The following NUP85 variants were observed in gnomAD, a reference collection of about 807,000 sequenced individuals.
The protein encoded by NUP85 is nucleoporin 85, also known as nuclear pore complex protein Nup85.
A neutral mutation model predicts 92.8 loss-of-function variants in NUP85; 23 were observed. The observed-to-expected ratio is 0.25, with a 90% CI of 0.18 to 0.35. NUP85 has a LOEUF of 0.35. Ranked by LOEUF, NUP85 falls within the 10% of genes least tolerant of loss-of-function variation. NUP85 has a pLI of 1.00. For missense variants in NUP85, 759 were observed against 822.8 expected, an observed-to-expected ratio of 0.92 and a Z score of 0.95; for synonymous variants, 314 against 306.9, an observed-to-expected ratio of 1.02 and a Z score of -0.24.
At position 75,235,111 on chromosome 17, in the gene NUP85, A is replaced by G. The variant is rs1252864007; in HGVS notation, c.1779A>G (p.Ser593=). ...PLLEQKQVIF[S]AEQTYELMRC... ...GCTCTCTTCCCTAGGTGATTTTCTC[A>G]GCAGAACAGACTTATGAGTTGATGC... The change falls in exon 18 of 19, where the codon TCA becomes TCG. Residue 593 remains serine, a synonymous_variant. Transcript: ENST00000245544. 2 of 1,613,836 alleles carry G rather than the reference A, an allele frequency of 1.2e-6. No homozygotes were observed. The highest frequency in any genetic ancestry group is 2.2e-5 in the East Asian group (1 of 44,884).
chr17:75,228,711 T>G (rs886083349), intron 11 of NUP85: 1 of 985,298 alleles, frequency 1.0e-6, no homozygotes, highest in African/African-American at 1.7e-5. Context: ...AAAGGTTTCT[T>G]TCTTTTTTTT....
chr17:75,231,839 T>C lies in NUP85; in HGVS notation c.1256T>C (p.Leu419Pro). The change falls in exon 14 of 19, where the codon CTG becomes CCG. Residue 419 changes from leucine to proline, a missense_variant. Coordinates refer to ENST00000245544, the MANE Select transcript of NUP85 (RefSeq NM_024844.5). This position sits in a 1 kb window ranked among gnomAD's most constrained non-coding sequence, Gnocchi z 4.6. ...TCGAACCTTTGCAGCCTGTGGCAGC[T>C]GGGGGTCGATTACTTTGATTACTGC... ...GLFAHPSLWQ[L>P]GVDYFDYCPE... 6.2e-7 allele frequency: 1 copy of C among 1,614,042 alleles called. No individual in the cohort carries two copies. Among genetic ancestry groups the C allele is most frequent in the Non-Finnish European group, 8.5e-7 (1 of 1,179,974 alleles).
At chr17:75,213,020 A>G (rs536499581) in intron 4 of NUP85, 56 bp from the exon 5 acceptor site, 16 of 1,523,070 alleles carry the variant, frequency 1.1e-5, no homozygotes, top group East Asian at 2.3e-5. Context: ...ATATTCAGCT[A>G]TGACAATAAG....
intron 4 of NUP85, 48 bp from the exon 5 acceptor site, chr17:75,213,028 A>ATTC: frequency 6.4e-7 from 1 of 1,571,202 alleles, no homozygotes; most frequent in Non-Finnish European, 8.7e-7. Context: ...CTATGACAAT[A>ATTC]AGCCTAAGAG....
chr17:75,229,805 G>A (rs2075973894), intron 11 of NUP85, among the ~76,000 whole-genome samples: 1 of 152,178 alleles, frequency 6.6e-6, no homozygotes, highest in Non-Finnish European at 1.5e-5. Flanking sequence ...CTTCCTTCCA[G>A]TTGTTGGTGG....
In NUP85 at chr17:75,235,637, T is replaced by C. The variant is rs1019245513; in HGVS notation, c.1929T>C (p.Leu643=). 3.7e-6 allele frequency: 6 copies of C among 1,614,036 alleles called. No individual in the cohort carries two copies. The African/African-American group carries it at 8.0e-5, about 22-fold the overall frequency. Residue 643 remains leucine (L), a synonymous_variant, in exon 19 of 19, where the codon CTT becomes CTC. Coordinates refer to ENST00000245544, the MANE Select transcript of NUP85 (RefSeq NM_024844.5). ...EMLRLSLARN[L]ARAIIREGSL... ...TGAGACTTTCTCTGGCACGAAATCT[T>C]GCTCGGGCAATTATAAGAGAAGGCT...
intron 7 of NUP85, among the ~76,000 whole-genome samples, chr17:75,223,001 C>T (rs1199179793): frequency 1.4e-5 from 2 of 147,968 alleles, no homozygotes; most frequent in South Asian, 2.1e-4. Flanking sequence ...CGCCACTGCA[C>T]TCCAGCCTGG....
At chr17:75,208,654 G>A (rs1323594337) in intron 2 of NUP85, 34 bp downstream of exon 2, 2 of 1,212,536 alleles carry the variant, frequency 1.6e-6, no homozygotes, top group Admixed American at 1.8e-5. Flanking sequence ...TATCCATCTT[G>A]GCACATTTGG....
At chr17:75,205,893 G>T (rs2075063108) in intron 1 of NUP85, 99 bp downstream of exon 1, 11 of 1,374,022 alleles carry the variant, frequency 8.0e-6, no homozygotes, top group Non-Finnish European at 1.1e-5. Flanking sequence ...GTCGCGAGGC[G>T]CTCGTCCCCT....
At chr17:75,209,261 A>G (rs1389358668) in intron 2 of NUP85, among the ~76,000 whole-genome samples, 1 of 152,084 alleles carries the variant, frequency 6.6e-6, no homozygotes, top group African/African-American at 2.4e-5. Context: ...CTGTAGGCTG[A>G]GCTGAGCCGT....
At chr17:75,230,356 T>A (rs2075999510) in intron 11 of NUP85, among the ~76,000 whole-genome samples, 1 of 9,980 alleles carries the variant, frequency 1.0e-4, no homozygotes, top group Admixed American at 1.9e-3. Flanking sequence ...GTACAACATG[T>A]TTTTTGTTTT....
At chr17:75,208,796 A>G (rs963997260) in intron 2 of NUP85, among the ~76,000 whole-genome samples, 176 bp downstream of exon 2, 1 of 152,004 alleles carries the variant, frequency 6.6e-6, no homozygotes, top group South Asian at 2.1e-4. Flanking sequence ...CCTGGGCTGG[A>G]GTACAGTGTG....
chr17:75,207,308 T>C lies in NUP85; in HGVS notation c.34-1219T>C, dbSNP rs188629737. On this transcript the variant is annotated intron_variant, in intron 1 of 18. Transcript: ENST00000245544. ...AAGCAATTCTCCTGCCTCAGCCTCC[T>C]GAGTAGCTGGGATTGCAGGCATGTG... Among the ~76,000 whole-genome samples the C allele has an allele frequency of 1.4e-4, 21 of 152,054 alleles. No individual in the cohort carries two copies. In the East Asian group the frequency reaches 3.9e-3, roughly 28 times the overall value.
At chr17:75,218,772 GAA>G (rs1283945642) in intron 7 of NUP85, among the ~76,000 whole-genome samples, 1 of 151,840 alleles carries the variant, frequency 6.6e-6, no homozygotes, top group Non-Finnish European at 1.5e-5. Flanking sequence ...ATATAAAAGA[GAA>G]AAGATAGTCC....
intron 2 of NUP85, 38 bp from the exon 3 acceptor site, chr17:75,209,785 T>A: frequency 1.3e-6 from 2 of 1,544,036 alleles, no homozygotes; most frequent in Non-Finnish European, 8.7e-7. Context: ...GAGATGATCA[T>A]AATAGATGTT....
Position 75,226,176 on chromosome 17 carries a change from C to A in NUP85, c.1094+19C>A, listed in dbSNP as rs372963636. On this transcript the variant is annotated intron_variant, in intron 11 of 18. Transcript: ENST00000245544. ...AGTGCAGGTAGGATCTCTCCCACCC[C>A]CCACTGTAACCATTTTTAGGTGTAC... The A allele has an allele frequency of 8.8e-6, 14 of 1,592,290 alleles. No individual in the cohort carries two copies. In the African/African-American group the frequency reaches 1.3e-4, roughly 15 times the overall value.
intron 7 of NUP85, 81 bp from the exon 8 acceptor site, chr17:75,225,022 T>G: frequency 2.1e-6 from 3 of 1,431,952 alleles, no homozygotes; most frequent in South Asian, 2.8e-5. Flanking sequence ...AGCCAAAGTG[T>G]GGGGTGAGGG....
chr17:75,209,453 T>C (rs2075189694), intron 2 of NUP85, among the ~76,000 whole-genome samples: 1 of 150,970 alleles, frequency 6.6e-6, no homozygotes, highest in African/African-American at 2.4e-5. Flanking sequence ...TTCTTTTTTT[T>C]TTTTTTTTTT....
rs1329306058 is a variant in NUP85 at position 75,234,757 on chromosome 17, C to T, written c.1736C>T (p.Thr579Ile). 1 of 1,614,200 alleles carries T rather than the reference C, an allele frequency of 6.2e-7. No individual in the cohort carries two copies. Among genetic ancestry groups the T allele is most frequent in the South Asian group, 1.1e-5 (1 of 91,080 alleles). ...APRSFWMTLL[T>I]DALPLLEQKQ... ...CGGTCTTTCTGGATGACTCTGCTGA[C>T]AGACGCCTTGCCCCTTTTGGAACAG... The change falls in exon 17 of 19, where the codon ACA becomes ATA. Residue 579 changes from threonine to isoleucine, a missense_variant. By Grantham distance (89) the Thr-to-Ile change is moderately conservative. Transcript: ENST00000245544.
Sources: gnomAD v4.1 joint callset for allele counts (sites outside exome capture counted in the v4.1 genomes callset) on GRCh38, gnomAD v4.1.1 for gene constraint, Gnocchi (gnomAD v3.1) non-coding constraint, MANE v1.5 for transcripts, NCBI Gene and HGNC (gene_info 2026-07-23, HGNC 2026-07-21) for gene names.